Variants in THADA observed in about 807,000 individuals in gnomAD.
THADA encodes tRNA (32-2'-O)-methyltransferase regulator THADA.
THADA carries 213 observed loss-of-function variants against 219.8 expected under a neutral mutation model. That is an observed-to-expected ratio of 0.97 (90% CI 0.87 to 1.09). The LOEUF (loss-of-function observed/expected upper bound fraction) is 1.09, where lower values mean the gene tolerates loss of function less well. THADA is among the 50% of genes least tolerant of loss of function. THADA has a pLI of 0.00. For missense variants in THADA, 2,956 were observed against 2,311.3 expected, an observed-to-expected ratio of 1.28 and a Z score of -5.72; for synonymous variants, 1,018 against 828.9, an observed-to-expected ratio of 1.23 and a Z score of -3.92.
intron 20 of THADA, among the ~76,000 whole-genome samples, chr2:43,543,338 T>C (rs1157024311): frequency 1.3e-5 from 2 of 148,328 alleles, no homozygotes; most frequent in Non-Finnish European, 1.5e-5. Flanking sequence ...TAAACATACA[T>C]GTGCATGTGT....
At chr2:43,340,981 T>C (rs1236476677) in intron 30 of THADA, among the ~76,000 whole-genome samples, 1 of 152,216 alleles carries the variant, frequency 6.6e-6, no homozygotes, top group African/African-American at 2.4e-5. Flanking sequence ...TATAATTTGC[T>C]ATTTAGGAAC....
At chr2:43,273,665 A>G (rs6736400) in intron 36 of THADA, among the ~76,000 whole-genome samples, 33,343 of 151,988 alleles carry the variant, frequency 0.22, 4,547 homozygotes, top group African/African-American at 0.38. Flanking sequence ...TAGAGGTTCC[A>G]GGAGTGGAAT....
chr2:43,398,830 C>T (rs1189954288), intron 28 of THADA, among the ~76,000 whole-genome samples: 2 of 152,106 alleles, frequency 1.3e-5, no homozygotes, highest in African/African-American at 4.8e-5. Flanking sequence ...GGGAGTGCTA[C>T]GAATAGCATA....
chr2:43,414,870 A>G, intron 28 of THADA, among the ~76,000 whole-genome samples: 1 of 152,176 alleles, frequency 6.6e-6, no homozygotes, highest in Non-Finnish European at 1.5e-5. Context: ...TTAGAAAGGA[A>G]ATGGAACTAC....
At chr2:43,295,605 T>C (rs1360058526) in intron 31 of THADA, among the ~76,000 whole-genome samples, 1 of 152,234 alleles carries the variant, frequency 6.6e-6, no homozygotes, top group African/African-American at 2.4e-5. Context: ...ATTTAAGTGA[T>C]ACGCATTTAT....
chr2:43,541,423 C>A lies in THADA; in HGVS notation c.3107-107G>T, dbSNP rs139513661. Reference sequence around the variant, plus strand: ...CCCAAGAATAATCTGCTTGAACAAACCCGATTTGTCATGTTATATTTACTC... The same window carrying A: ...CCCAAGAATAATCTGCTTGAACAAAACCGATTTGTCATGTTATATTTACTC... On this transcript the variant is annotated intron_variant, in intron 20 of 37. Transcript: ENST00000405975. 4.0e-6 allele frequency: 5 copies of A among 1,249,324 alleles called. No homozygotes were observed. In the African/African-American group the frequency reaches 4.6e-5, roughly 11 times the overall value. 77.4% of individuals were successfully genotyped at this position (1,249,324 alleles called of 1,614,324 possible). A position where few individuals can be genotyped will look rare whatever the true frequency, so the allele number is the denominator to read the frequency against.
At chr2:43,323,155 G>C (rs1252365594) in intron 30 of THADA, among the ~76,000 whole-genome samples, 5 of 151,106 alleles carry the variant, frequency 3.3e-5, no homozygotes, top group Non-Finnish European at 7.4e-5. Context: ...GTTTTGTTTT[G>C]TTCTGAGACA....
intron 36 of THADA, among the ~76,000 whole-genome samples, chr2:43,259,208 A>G (rs1354700321): frequency 6.6e-6 from 1 of 152,216 alleles, no homozygotes; most frequent in Non-Finnish European, 1.5e-5. Flanking sequence ...CCAAAGTGAT[A>G]CTGATAGGGG....
chr2:43,506,992 T>C (rs1471330396), intron 23 of THADA, among the ~76,000 whole-genome samples: 1 of 152,210 alleles, frequency 6.6e-6, no homozygotes, highest in African/African-American at 2.4e-5. Flanking sequence ...AAACTTTATG[T>C]CTATATTGAA....
chr2:43,391,248 G>C (rs1202818884), intron 29 of THADA, among the ~76,000 whole-genome samples: 1 of 152,040 alleles, frequency 6.6e-6, no homozygotes, highest in Non-Finnish European at 1.5e-5. Context: ...CTCTGATCCT[G>C]AACAGTTACA....
At chr2:43,585,461 T>G in intron 7 of THADA, among the ~76,000 whole-genome samples, 1 of 150,244 alleles carries the variant, frequency 6.7e-6, no homozygotes, top group Non-Finnish European at 1.5e-5. Context: ...AGAGGTGCAG[T>G]GAGCCAAGAT....
intron 31 of THADA, among the ~76,000 whole-genome samples, chr2:43,317,024 C>T (rs1678162552): frequency 6.6e-6 from 1 of 152,222 alleles, no homozygotes; most frequent in African/African-American, 2.4e-5. Flanking sequence ...TATAAGCTGA[C>T]AACCACTCTA....
intron 1 of THADA, among the ~76,000 whole-genome samples, chr2:43,595,147 G>C (rs1702004420): frequency 6.6e-6 from 1 of 152,136 alleles, no homozygotes; most frequent in Non-Finnish European, 1.5e-5. Context: ...TTCTAGAAGG[G>C]ATATATGTCT....
At position 43,486,557 on chromosome 2, in the gene THADA, T is replaced by G. The variant is rs144409750; in HGVS notation, c.3745-1232A>C. 101 of 152,256 alleles carry G rather than the reference T, an allele frequency of 6.6e-4. 1 individual carries two copies. Among genetic ancestry groups the G allele is most frequent in the African/African-American group, 2.2e-3 (90 of 41,564 alleles). The allele number at this position is 152,256 out of a possible 1,614,324, so 9.4% of individuals were successfully genotyped here. On this transcript the variant is annotated intron_variant, in intron 25 of 37. Transcript: ENST00000405975. The stretch of plus-strand genomic sequence containing the variant: ...TTAAGTAAGTGACATAACCACATGG[T>G]GTGTTAAATAGCAATATAAGTAGAA...
intron 20 of THADA, among the ~76,000 whole-genome samples, chr2:43,543,120 T>C (rs1340408056): frequency 6.7e-6 from 1 of 149,880 alleles, no homozygotes; most frequent in Admixed American, 6.7e-5. Flanking sequence ...TGAGAATATG[T>C]GGTGTTTCGT....
intron 14 of THADA, among the ~76,000 whole-genome samples, chr2:43,568,978 A>T (rs1170239447): frequency 6.6e-6 from 1 of 152,164 alleles, no homozygotes; most frequent in Non-Finnish European, 1.5e-5. Flanking sequence ...TTTATTTATT[A>T]ATTTTTTTGA....
rs956417220 is a variant in THADA, at chr2:43,305,950, T to TTCCC, written c.4439-12741_4439-12738dup. ...TTCCTGTCCATCCCTCCCTCCCTTC[T>TTCCC]TCCCTCCCTCCCTCCCTCCCTTCTC... On this transcript the variant is annotated intron_variant, in intron 31 of 37. Transcript: ENST00000405975. Among the ~76,000 whole-genome samples the TTCCC allele has an allele frequency of 4.1e-5, 6 of 146,510 alleles. 1 individual carries two copies. The highest frequency in any genetic ancestry group is 7.5e-5 in the Non-Finnish European group (5 of 66,394).
In THADA at chr2:43,556,489, C is replaced by T. The variant is rs769276846; in HGVS notation, c.2530G>A (p.Asp844Asn). The stretch of plus-strand genomic sequence containing the variant: ...AGCAGGTAGGAAGCTGTCACACAGT[C>T]GTATGGTTTGGTGCTTGTGCTGAGC... ...LELSTSTKPY[D>N]CVTASYLLNF... Residue 844 changes from aspartate (D) to asparagine (N), a missense_variant, in exon 17 of 38, where the codon GAC becomes AAC. By Grantham distance (23) the Asp-to-Asn change is conservative. Transcript: ENST00000405975. The T allele has an allele frequency of 1.2e-6, 2 of 1,613,862 alleles. No homozygotes were observed. The highest frequency in any genetic ancestry group is 8.5e-7 in the Non-Finnish European group (1 of 1,179,844).
At chr2:43,501,925 C>CAG (rs1423402661) in intron 24 of THADA, among the ~76,000 whole-genome samples, 1 of 152,184 alleles carries the variant, frequency 6.6e-6, no homozygotes, top group African/African-American at 2.4e-5. Context: ...GCCTGGGTGA[C>CAG]AGAGAGAGAC....
Sources: gnomAD v4.1 joint callset for allele counts (sites outside exome capture counted in the v4.1 genomes callset) on GRCh38, gnomAD v4.1.1 for gene constraint, MANE v1.5 for transcripts, NCBI Gene and HGNC (gene_info 2026-07-23, HGNC 2026-07-21) for gene names.